The following GGTA1 variants were observed in gnomAD, a reference collection of about 807,000 sequenced individuals.
The protein encoded by GGTA1 is glycoprotein alpha-galactosyltransferase 1 (inactive).
A neutral mutation model predicts 2.6 loss-of-function variants in GGTA1; 5 were observed. That is an observed-to-expected ratio of 1.92 (90% CI 1.00 to 4.04). The LOEUF (loss-of-function observed/expected upper bound fraction) is 4.04. Ranked by LOEUF, GGTA1 falls within the 30% of genes most tolerant of loss-of-function variation. GGTA1 has a pLI of 0.00. For synonymous variants in GGTA1, 17 were observed against 5.0 expected (o/e 3.38, Z -3.19); for missense variants, 50 against 16.7 (o/e 2.99, Z -3.47).
intron 1 of GGTA1, among the ~76,000 whole-genome samples, chr9:121,472,295 T>C (rs1242178855): frequency 6.6e-6 from 1 of 152,176 alleles, no homozygotes; most frequent in Non-Finnish European, 1.5e-5. Flanking sequence ...GGGTTTCAGA[T>C]AAGGGATTGT....
intron 1 of GGTA1, among the ~76,000 whole-genome samples, chr9:121,483,037 A>G (rs1457463183): frequency 6.6e-6 from 1 of 152,184 alleles, no homozygotes; most frequent in East Asian, 1.9e-4. Flanking sequence ...TGATTTCGAA[A>G]CCTAAAGAGC....
At position 121,492,932 on chromosome 9, in the gene GGTA1, T is replaced by A. The variant is rs1409401556; in HGVS notation, c.-10+6718A>T. Among the ~76,000 whole-genome samples the A allele has an allele frequency of 4.6e-5, 7 of 151,508 alleles. No homozygotes were observed. In the East Asian group the frequency reaches 1.4e-3, roughly 30 times the overall value. ...GCCGAAGCAGGCAGATCACTTGAGG[T>A]CACGAGTTTGAGACCAGCCTGGCCA... is the stretch of plus-strand genomic sequence containing the variant. On this transcript the variant is annotated intron_variant, in intron 1 of 5. Transcript: ENST00000481799.
chr9:121,499,031 C>T (rs1829050473), intron 1 of GGTA1, among the ~76,000 whole-genome samples: 1 of 152,032 alleles, frequency 6.6e-6, no homozygotes, highest in Non-Finnish European at 1.5e-5. Context: ...TCCCGCCTCC[C>T]ATCGCCCCAG....
intron 1 of GGTA1, among the ~76,000 whole-genome samples, chr9:121,489,722 T>TC (rs1196197260): frequency 6.6e-6 from 1 of 152,166 alleles, no homozygotes; most frequent in Non-Finnish European, 1.5e-5. Flanking sequence ...CAGCAGGCGT[T>TC]CTGTGTTTGT....
At chr9:121,469,567 G>A (rs1473485120) in intron 1 of GGTA1, among the ~76,000 whole-genome samples, 1 of 152,196 alleles carries the variant, frequency 6.6e-6, no homozygotes, top group Non-Finnish European at 1.5e-5. Flanking sequence ...TGACAGCAGC[G>A]TGGAGAATGA....
chr9:121,464,578 C>T (rs6478508), intron 2 of GGTA1, among the ~76,000 whole-genome samples: 3,544 of 138,538 alleles, frequency 0.026, 146 homozygotes, highest in African/African-American at 0.084. Context: ...GTGCCTGCAT[C>T]AGCCTTCCAA....
chr9:121,471,446 T>C (rs1013055200), intron 1 of GGTA1, among the ~76,000 whole-genome samples: 1 of 152,240 alleles, frequency 6.6e-6, no homozygotes, highest in East Asian at 1.9e-4. Flanking sequence ...ATAAGAATGA[T>C]ACTTAAATTT....
At chr9:121,495,067 G>A (rs1189057231) in intron 1 of GGTA1, among the ~76,000 whole-genome samples, 1 of 151,708 alleles carries the variant, frequency 6.6e-6, no homozygotes, top group Non-Finnish European at 1.5e-5. Flanking sequence ...TGGGATTACA[G>A]GATTACCACA....
intron 1 of GGTA1, among the ~76,000 whole-genome samples, chr9:121,490,190 T>C (rs1018256308): frequency 6.6e-6 from 1 of 152,214 alleles, no homozygotes; most frequent in Non-Finnish European, 1.5e-5. Flanking sequence ...CTTCTACTAA[T>C]AATAATGATA....
At chr9:121,449,580 G>A (rs1314754148) in intron 7 of GGTA1, among the ~76,000 whole-genome samples, 3 of 152,128 alleles carry the variant, frequency 2.0e-5, no homozygotes, top group South Asian at 2.1e-4. Flanking sequence ...GGTGGCTCAC[G>A]CCTGTAATCC....
chr9:121,485,498 C>A lies in GGTA1; in HGVS notation c.-10+14152G>T, dbSNP rs1828739416. 2.0e-5 allele frequency among the ~76,000 whole-genome samples: 3 copies of A among 152,180 alleles called. No homozygotes were observed. In the South Asian group the frequency reaches 6.2e-4, roughly 31 times the overall value. Reference sequence around the variant, plus strand: ...TCTAGCATTATATTCCTTTGAAATACGTGTCTTCCTGAGTTGATGGGATAG... The same window carrying A: ...TCTAGCATTATATTCCTTTGAAATAAGTGTCTTCCTGAGTTGATGGGATAG... On this transcript the variant is annotated intron_variant, in intron 1 of 5. Transcript: ENST00000481799.
chr9:121,462,306 C>T (rs2064966670), intron 3 of GGTA1, among the ~76,000 whole-genome samples: 1 of 151,256 alleles, frequency 6.6e-6, no homozygotes, highest in Non-Finnish European at 1.5e-5. Flanking sequence ...GCCTGGGCAA[C>T]AGAGCAAGAC....
At chr9:121,478,533 A>T (rs1315883541) in intron 1 of GGTA1, among the ~76,000 whole-genome samples, 2 of 152,170 alleles carry the variant, frequency 1.3e-5, no homozygotes, top group Non-Finnish European at 2.9e-5. Flanking sequence ...AGAGTGCCTT[A>T]TTATCCTAAA....
At chr9:121,474,594 A>C (rs1288806259) in intron 1 of GGTA1, among the ~76,000 whole-genome samples, 1 of 152,012 alleles carries the variant, frequency 6.6e-6, no homozygotes, top group East Asian at 1.9e-4. Context: ...AACAACACAC[A>C]CACCCTCTGA....
intron 1 of GGTA1, among the ~76,000 whole-genome samples, chr9:121,498,298 T>G (rs1829032637): frequency 6.6e-6 from 1 of 152,302 alleles, no homozygotes; most frequent in African/African-American, 2.4e-5. Flanking sequence ...ATTCAGTCAT[T>G]GAGCACCTGT....
chr9:121,460,013 A>G, intron 5 of GGTA1, 91 bp downstream of exon 5: 1 of 416,970 alleles, frequency 2.4e-6, no homozygotes, highest in Non-Finnish European at 4.7e-6. Flanking sequence ...TAAATCAGGA[A>G]TGTTCTCAAT....
intron 1 of GGTA1, among the ~76,000 whole-genome samples, chr9:121,490,492 C>G (rs547255223): frequency 3.9e-5 from 6 of 152,302 alleles, no homozygotes; most frequent in Admixed American, 3.9e-4. Flanking sequence ...CATCAGTGGT[C>G]TTGTGGCTGC....
At chr9:121,474,194 G>A (rs1044584147) in intron 1 of GGTA1, among the ~76,000 whole-genome samples, 13 of 151,980 alleles carry the variant, frequency 8.6e-5, no homozygotes, top group African/African-American at 2.4e-4. Flanking sequence ...AACTTGGCCA[G>A]CCCCAGTTGC....
In GGTA1 at chr9:121,476,863, G is replaced by A. The variant is rs999170348; in HGVS notation, c.-9-8932C>T. The stretch of plus-strand genomic sequence containing the variant: ...GTAGAGTGTTGCCTTGCCTGGGAGA[G>A]TCACTCTCTAGCCTCAGTGCCTGTC... On this transcript the variant is annotated intron_variant, in intron 1 of 5. Transcript: ENST00000481799. This position sits in a 1 kb window ranked among gnomAD's most constrained non-coding sequence, Gnocchi z 4.6. Among the ~76,000 whole-genome samples, 1 of 152,148 alleles carries A rather than the reference G, an allele frequency of 6.6e-6. No individual in the cohort carries two copies. Among genetic ancestry groups the A allele is most frequent in the Non-Finnish European group, 1.5e-5 (1 of 68,034 alleles).
Sources: gnomAD v4.1 joint callset for allele counts (sites outside exome capture counted in the v4.1 genomes callset) on GRCh38, gnomAD v4.1.1 for gene constraint, Gnocchi (gnomAD v3.1) non-coding constraint, MANE v1.5 for transcripts, NCBI Gene and HGNC (gene_info 2026-07-23, HGNC 2026-07-21) for gene names.